The following TSPAN18 variants were observed in gnomAD, a reference collection of about 807,000 sequenced individuals.
The protein encoded by TSPAN18 is tetraspanin 18, also known as tetraspanin-18.
In TSPAN18, 14 loss-of-function variants were observed where a neutral mutation model predicts 27.3. That is an observed-to-expected ratio of 0.51 (90% CI 0.34 to 0.80). The LOEUF (loss-of-function observed/expected upper bound fraction) is 0.80. Ranked by LOEUF, TSPAN18 falls within the 30% of genes least tolerant of loss-of-function variation. The probability of loss-of-function intolerance (pLI) is 0.01; values close to 1 mark genes in which losing one functional copy is unlikely to be tolerated. For synonymous variants in TSPAN18, 143 were observed against 136.5 expected, an observed-to-expected ratio of 1.05 and a Z score of -0.33; for missense variants, 268 against 323.9, an observed-to-expected ratio of 0.83 and a Z score of 1.32.
At chr11:44,914,036 A>T (rs940865639) in intron 5 of TSPAN18, among the ~76,000 whole-genome samples, 1 of 152,256 alleles carries the variant, frequency 6.6e-6, no homozygotes. Flanking sequence ...ACACTCCCAC[A>T]TACTCAAGTC....
chr11:44,844,268 G>T (rs912671842), intron 2 of TSPAN18, among the ~76,000 whole-genome samples: 6 of 150,092 alleles, frequency 4.0e-5, no homozygotes. Context: ...GATGGACATT[G>T]GATCGTTTCC....
chr11:44,857,982 A>G (rs1805532619), intron 2 of TSPAN18, among the ~76,000 whole-genome samples: 1 of 152,238 alleles, frequency 6.6e-6, no homozygotes, highest in Admixed American at 6.5e-5. Flanking sequence ...TCCCACAGTG[A>G]TCGAGAGCTT....
At chr11:44,786,623 CTTTTTT>C (rs528871558) in intron 2 of TSPAN18, among the ~76,000 whole-genome samples, 1 of 98,208 alleles carries the variant, frequency 1.0e-5, no homozygotes, top group African/African-American at 4.1e-5. Flanking sequence ...TATCCACTTA[CTTTTTT>C]TTTTTTTTTT....
In TSPAN18 at chr11:44,757,608, C is replaced by G. The variant is rs891180213; in HGVS notation, c.-239-6818C>G. 2.6e-5 allele frequency among the ~76,000 whole-genome samples: 4 copies of G among 152,140 alleles called. No homozygotes were observed. The East Asian group carries it at 7.7e-4, about 29-fold the overall frequency. On this transcript the variant is annotated intron_variant, in intron 1 of 9. Transcript: ENST00000520358. ...CTATGTTGCCCAGGTGGGTCTTGGA[C>G]TCTTGGGCTCAAGAGATCTGCCCAT...
intron 1 of TSPAN18, among the ~76,000 whole-genome samples, chr11:44,735,641 C>T (rs934792083): frequency 2.1e-5 from 3 of 142,770 alleles, no homozygotes; most frequent in Non-Finnish European, 3.1e-5. Flanking sequence ...TTTTTTTAGG[C>T]GGAGTCTCGC....
At chr11:44,735,852 C>T (rs1445895940) in intron 1 of TSPAN18, among the ~76,000 whole-genome samples, 4 of 152,150 alleles carry the variant, frequency 2.6e-5, no homozygotes, top group Non-Finnish European at 5.9e-5. Context: ...CTCCTGACCT[C>T]ATGATCTGCC....
intron 2 of TSPAN18, among the ~76,000 whole-genome samples, chr11:44,775,534 A>T (rs903500140): frequency 6.6e-6 from 1 of 151,540 alleles, no homozygotes; most frequent in Non-Finnish European, 1.5e-5. Flanking sequence ...GGCACGTTTC[A>T]TTGCCAGCCT....
At chr11:44,907,344 T>C (rs1457906476) in intron 4 of TSPAN18, among the ~76,000 whole-genome samples, 1 of 152,196 alleles carries the variant, frequency 6.6e-6, no homozygotes, top group African/African-American at 2.4e-5. Flanking sequence ...AGCCAAGACC[T>C]GGGTGAATAA....
intron 3 of TSPAN18, among the ~76,000 whole-genome samples, chr11:44,870,234 A>G (rs952992241): frequency 3.3e-5 from 5 of 152,150 alleles, no homozygotes; most frequent in African/African-American, 1.2e-4. Flanking sequence ...TGTGGCATAC[A>G]TTTGCCATCA....
At chr11:44,747,153 C>T (rs1040737442) in intron 1 of TSPAN18, among the ~76,000 whole-genome samples, 3 of 152,274 alleles carry the variant, frequency 2.0e-5, no homozygotes, top group South Asian at 2.1e-4. Flanking sequence ...CTCTCACAGG[C>T]GAGCATCTGC....
intron 3 of TSPAN18, among the ~76,000 whole-genome samples, chr11:44,900,288 G>A (rs1249786958): frequency 6.6e-6 from 1 of 152,238 alleles, no homozygotes; most frequent in African/African-American, 2.4e-5. Context: ...GTCCCTGCTG[G>A]AGAATAATGG....
At chr11:44,846,784 C>G (rs946077876) in intron 2 of TSPAN18, among the ~76,000 whole-genome samples, 14 of 152,216 alleles carry the variant, frequency 9.2e-5, no homozygotes, top group Admixed American at 6.5e-5. Context: ...AAGTTCTTCT[C>G]CACCTTCTAC....
In TSPAN18 at chr11:44,828,128, G is replaced by C. The variant is rs1857081882; in HGVS notation, c.-152-32200G>C. Among the ~76,000 whole-genome samples, 4 of 152,248 alleles carry C rather than the reference G, an allele frequency of 2.6e-5. No individual in the cohort carries two copies. The South Asian group carries it at 8.3e-4, about 32-fold the overall frequency. On this transcript the variant is annotated intron_variant, in intron 2 of 9. Transcript: ENST00000520358. ...AAGCATTGGGTGTCTTGCACAGGTG[G>C]CTGTGCAGAGTGCCACAAGGTAGAG...
intron 2 of TSPAN18, among the ~76,000 whole-genome samples, chr11:44,856,245 T>A (rs541464146): frequency 6.6e-6 from 1 of 152,248 alleles, no homozygotes; most frequent in South Asian, 2.1e-4. Flanking sequence ...TGGCTCCCCA[T>A]TGCCTGTGGA....
chr11:44,821,447 G>T (rs961257789), intron 2 of TSPAN18, among the ~76,000 whole-genome samples: 3 of 152,138 alleles, frequency 2.0e-5, no homozygotes, highest in African/African-American at 7.2e-5. Flanking sequence ...AGATGAACCT[G>T]CGATTGTTCT....
intron 1 of TSPAN18, among the ~76,000 whole-genome samples, chr11:44,745,683 T>C (rs1384373208): frequency 6.6e-6 from 1 of 152,166 alleles, no homozygotes; most frequent in Non-Finnish European, 1.5e-5. Flanking sequence ...ACTTCAGATC[T>C]GTGTACTGTT....
At chr11:44,782,243 G>A (rs1855954538) in intron 2 of TSPAN18, among the ~76,000 whole-genome samples, 1 of 152,074 alleles carries the variant, frequency 6.6e-6, no homozygotes, top group African/African-American at 2.4e-5. Context: ...GTAGGTGTAT[G>A]TATAACTTAG....
intron 1 of TSPAN18, among the ~76,000 whole-genome samples, chr11:44,755,024 GC>G (rs1565134899): frequency 6.6e-6 from 1 of 152,178 alleles, no homozygotes; most frequent in Non-Finnish European, 1.5e-5. Flanking sequence ...CTGCAGAAAA[GC>G]CCCAGACCAG....
At chr11:44,888,071 G>A (rs942304203) in intron 3 of TSPAN18, among the ~76,000 whole-genome samples, 22 of 152,144 alleles carry the variant, frequency 1.4e-4, no homozygotes, top group African/African-American at 4.1e-4. Context: ...TGTGAGAAGC[G>A]GCAGAAACTG....
Sources: gnomAD v4.1 joint callset for allele counts (sites outside exome capture counted in the v4.1 genomes callset) on GRCh38, gnomAD v4.1.1 for gene constraint, MANE v1.5 for transcripts, NCBI Gene and HGNC (gene_info 2026-07-23, HGNC 2026-07-21) for gene names.